The following MGLL variants were observed in gnomAD, a reference collection of about 807,000 sequenced individuals.
MGLL encodes the protein lysophospholipase homolog.
A neutral mutation model predicts 29.1 loss-of-function variants in MGLL; 7 were observed. The observed-to-expected ratio is 0.24, with a 90% CI of 0.14 to 0.45. The LOEUF is 0.45. Ranked by LOEUF, MGLL falls within the 20% of genes least tolerant of loss-of-function variation. The pLI is 0.99. For synonymous variants in MGLL, 148 were observed against 168.3 expected (o/e 0.88, Z 0.93); for missense variants, 356 against 413.6 (o/e 0.86, Z 1.21).
chr3:127,694,875 G>T, intron 7 of MGLL, 100 bp downstream of exon 7: 2 of 1,145,048 alleles, frequency 1.7e-6, no homozygotes, highest in South Asian at 2.5e-5. Flanking sequence ...TGAGACCTGG[G>T]AGGTGGCCCT....
chr3:127,765,714 C>G (rs772382207), intron 3 of MGLL, among the ~76,000 whole-genome samples: 1 of 152,202 alleles, frequency 6.6e-6, no homozygotes, highest in Non-Finnish European at 1.5e-5. Context: ...GAAGGGAAGC[C>G]CAGAAGGCTG....
chr3:127,700,592 C>T (rs575888635), intron 6 of MGLL, among the ~76,000 whole-genome samples: 1 of 152,186 alleles, frequency 6.6e-6, no homozygotes, highest in African/African-American at 2.4e-5. Flanking sequence ...ACAGGGGAAG[C>T]CTTTGGTAAA....
intron 3 of MGLL, among the ~76,000 whole-genome samples, chr3:127,734,580 C>T (rs2076211911): frequency 6.6e-6 from 1 of 152,172 alleles, no homozygotes; most frequent in Admixed American, 6.5e-5. Flanking sequence ...AGGGGCCCTG[C>T]AGGATTTGCT....
intron 3 of MGLL, among the ~76,000 whole-genome samples, chr3:127,729,373 C>T (rs1303353678): frequency 1.3e-5 from 2 of 152,228 alleles, no homozygotes; most frequent in Non-Finnish European, 2.9e-5. Flanking sequence ...CCATCACCAT[C>T]ATCCATCTCT....
At chr3:127,767,003 A>G (rs996366194) in intron 3 of MGLL, among the ~76,000 whole-genome samples, 2 of 152,166 alleles carry the variant, frequency 1.3e-5, no homozygotes, top group African/African-American at 4.8e-5. Context: ...CCTGGGAGGC[A>G]GAGATTGCAG....
At chr3:127,760,110 G>T (rs1301813572) in intron 3 of MGLL, among the ~76,000 whole-genome samples, 1 of 152,242 alleles carries the variant, frequency 6.6e-6, no homozygotes, top group African/African-American at 2.4e-5. Flanking sequence ...GCAAAGGAAA[G>T]ATGACGGGAG....
intron 2 of MGLL, among the ~76,000 whole-genome samples, chr3:127,805,850 TCAGA>T (rs1196380891): frequency 6.6e-6 from 1 of 152,216 alleles, no homozygotes; most frequent in Non-Finnish European, 1.5e-5. Flanking sequence ...TAGCAACGTG[TCAGA>T]CAAAGGTTTG....
intron 6 of MGLL, 60 bp downstream of exon 6, chr3:127,710,514 ACT>A (rs1458712187): frequency 5.0e-6 from 7 of 1,400,112 alleles, no homozygotes; most frequent in Non-Finnish European, 6.9e-6. Flanking sequence ...TGGAGCCAAA[ACT>A]CTGATTCCCC....
At chr3:127,701,146 T>C (rs2075472859) in intron 6 of MGLL, among the ~76,000 whole-genome samples, 1 of 132,374 alleles carries the variant, frequency 7.6e-6, no homozygotes. Flanking sequence ...GCCCAAAAGG[T>C]GGAGGCTGCA....
chr3:127,746,540 C>T (rs1336834371), intron 3 of MGLL, among the ~76,000 whole-genome samples: 1 of 152,158 alleles, frequency 6.6e-6, no homozygotes, highest in Non-Finnish European at 1.5e-5. Flanking sequence ...GTTTCTGTTT[C>T]ATTTGGCTCC....
chr3:127,745,690 A>G (rs1365945642), intron 3 of MGLL, among the ~76,000 whole-genome samples: 1 of 152,174 alleles, frequency 6.6e-6, no homozygotes, highest in Non-Finnish European at 1.5e-5. Flanking sequence ...TTATATGAAT[A>G]ATAATAATAA....
intron 3 of MGLL, among the ~76,000 whole-genome samples, chr3:127,775,179 C>T (rs1276414743): frequency 5.3e-5 from 8 of 152,062 alleles, no homozygotes; most frequent in Non-Finnish European, 1.0e-4. Flanking sequence ...GTCCACTCTC[C>T]CACACTCTAC....
rs1038664359 is a variant in MGLL, at chr3:127,817,320, G to A, written c.155+4374C>T. On this transcript the variant is annotated intron_variant, in intron 2 of 7. Transcript: ENST00000265052. ...CAGTCGTGTGTCTTGGGACATCAGC[G>A]AGGGAGGGACAATCACACTTTAAGC... Among the ~76,000 whole-genome samples the A allele has an allele frequency of 5.3e-5, 8 of 152,340 alleles. No homozygotes were observed. The East Asian group carries it at 7.7e-4, about 15-fold the overall frequency.
Position 127,822,422 on chromosome 3 carries a change from C to T in MGLL, c.-104G>A, listed in dbSNP as rs1051444495. The T allele has an allele frequency of 8.1e-7, 1 of 1,229,206 alleles. No individual in the cohort carries two copies. Among genetic ancestry groups the T allele is most frequent in the Admixed American group, 1.8e-5 (1 of 56,062 alleles). The allele number at this position is 1,229,206 out of a possible 1,614,324, so 76.1% of individuals were successfully genotyped here. A position where few individuals can be genotyped will look rare whatever the true frequency, so the allele number is the denominator to read the frequency against. The stretch of plus-strand genomic sequence containing the variant: ...GGGCGGCCCCAAGGCAGCAGGAAGG[C>T]AGCTCCGAGCCCTCTTCCCGCACCC... On this transcript the variant is annotated 5_prime_UTR_variant, in exon 1 of 8. Transcript: ENST00000265052.
intron 3 of MGLL, 44 bp downstream of exon 3, chr3:127,781,745 T>A: frequency 6.4e-7 from 1 of 1,552,836 alleles, no homozygotes; most frequent in Non-Finnish European, 8.9e-7. Flanking sequence ...GATCTCCAAA[T>A]TGTCAGGGCC....
At chr3:127,810,847 A>ATGTGTTGGAGAAGATAGGCATGTGTT (rs368536537) in intron 2 of MGLL, among the ~76,000 whole-genome samples, 3 of 150,356 alleles carry the variant, frequency 2.0e-5, no homozygotes, top group African/African-American at 7.6e-5. Flanking sequence ...CAATCAAAAA[A>ATGTGTTGGAGAAGATAGGCATGTGTT]GGAAGCAAAC....
intron 5 of MGLL, among the ~76,000 whole-genome samples, chr3:127,720,611 C>A (rs546906250): frequency 2.6e-5 from 4 of 152,266 alleles, no homozygotes; most frequent in East Asian, 1.9e-4. Context: ...TCAAAAGTGC[C>A]CGGGGCGGAG....
chr3:127,742,626 A>G (rs551550640), intron 3 of MGLL, among the ~76,000 whole-genome samples: 1 of 146,794 alleles, frequency 6.8e-6, no homozygotes, highest in East Asian at 2.0e-4. Context: ...TACAGAAGGC[A>G]TTGTTTTGGT....
intron 3 of MGLL, among the ~76,000 whole-genome samples, chr3:127,767,134 C>T (rs1252187701): frequency 7.1e-6 from 1 of 141,222 alleles, no homozygotes; most frequent in East Asian, 2.1e-4. Context: ...TCCTTTAAGG[C>T]TTACCTTCCT....
Sources: allele counts gnomAD v4.1 joint callset (sites outside exome capture counted in the v4.1 genomes callset), GRCh38; gene constraint gnomAD v4.1.1; transcripts MANE v1.5; gene names NCBI Gene and HGNC (gene_info 2026-07-23, HGNC 2026-07-21).